The following FAM117A variants were observed in gnomAD, a reference collection of about 807,000 sequenced individuals.
FAM117A encodes protein FAM117A.
A neutral mutation model predicts 44.1 loss-of-function variants in FAM117A; 21 were observed. The observed-to-expected ratio is 0.48, with a 90% CI of 0.34 to 0.69. The LOEUF (loss-of-function observed/expected upper bound fraction) is 0.69. Among genes scored for constraint, FAM117A ranks in the 30% least tolerant of loss-of-function variants. FAM117A has a pLI of 0.01. For missense variants in FAM117A, 498 were observed against 589.9 expected, an observed-to-expected ratio of 0.84 and a Z score of 1.61; for synonymous variants, 220 against 238.3, an observed-to-expected ratio of 0.92 and a Z score of 0.71.
intron 4 of FAM117A, 153 bp downstream of exon 4, chr17:49,720,173 A>G (rs1315831026): frequency 1.1e-4 from 76 of 690,348 alleles, no homozygotes; most frequent in Non-Finnish European, 1.7e-4. Flanking sequence ...CCCTTCCAAT[A>G]TCACACAGCA....
Position 49,732,652 on chromosome 17 carries a change from T to C in FAM117A, c.265A>G (p.Thr89Ala). ...CTGAGGATGGTGTCCAGGGAGAATG[T>C]ACGCCGGACCTGAAGTGGCTGAGGC... ...CRPQPLQVRR[T>A]FSLDTILSSY... The change falls in exon 2 of 8, where the codon ACA becomes GCA. Residue 89 changes from threonine (T) to alanine (A), a missense_variant. Transcript: ENST00000240364. 6.2e-7 allele frequency: 1 copy of C among 1,614,160 alleles called. No homozygotes were observed. The highest frequency in any genetic ancestry group is 8.5e-7 in the Non-Finnish European group (1 of 1,180,012).
intron 2 of FAM117A, among the ~76,000 whole-genome samples, chr17:49,729,804 A>G (rs746376931): frequency 1.1e-4 from 17 of 152,032 alleles, no homozygotes; most frequent in Non-Finnish European, 2.4e-4. Flanking sequence ...ATGCCTGGCC[A>G]TATTAGTCCA....
Position 49,711,321 on chromosome 17 carries a change from G to A in FAM117A, c.1296C>T (p.Phe432=), listed in dbSNP as rs771259538. ...ATGGTGGGGTGCGCTGCCATGGCTC[G>A]AATGGCAGTGGGGAGGCCTTGGAGG... ...PEASKASPLP[F]EPWQRTPPSE... is the part of the protein sequence containing the mutation. Residue 432 remains phenylalanine, a synonymous_variant, in exon 8 of 8, where the codon TTC becomes TTT. Transcript: ENST00000240364. 15 of 1,609,438 alleles carry A rather than the reference G, an allele frequency of 9.3e-6. No individual in the cohort carries two copies. The highest frequency in any genetic ancestry group is 3.3e-4 in the Middle Eastern group (2 of 5,972).
exon 1 of FAM117A, chr17:49,788,585 A>C (rs2073836719): frequency 4.8e-6 from 2 of 413,438 alleles, no homozygotes; most frequent in African/African-American, 4.1e-5. Flanking sequence ...CACCAAAAGG[A>C]TCGAACTTCC....
chr17:49,762,748 A>G (rs1389325490), intron 1 of FAM117A, among the ~76,000 whole-genome samples: 4 of 152,210 alleles, frequency 2.6e-5, no homozygotes, highest in Non-Finnish European at 5.9e-5. Context: ...GGAAGTGTGC[A>G]ATGATCTTTT....
upstream of FAM117A, chr17:49,765,545 T>C (rs1381167965): frequency 1.3e-5 from 2 of 152,224 alleles, no homozygotes; most frequent in Non-Finnish European, 2.9e-5. Context: ...TTAGCCTACA[T>C]ACACTGAATG....
chr17:49,725,500 T>C (rs2073555681), intron 2 of FAM117A, among the ~76,000 whole-genome samples: 3 of 152,086 alleles, frequency 2.0e-5, no homozygotes, highest in African/African-American at 4.8e-5. Flanking sequence ...GGGGATACAA[T>C]TGGAAATGTC....
At chr17:49,743,637 G>A (rs1013008583) in intron 1 of FAM117A, among the ~76,000 whole-genome samples, 10 of 151,956 alleles carry the variant, frequency 6.6e-5, no homozygotes, top group Admixed American at 5.9e-4. Flanking sequence ...GCTGAGGCAG[G>A]AGAATGGCAT....
chr17:49,717,389 C>T (rs1464826742), intron 6 of FAM117A, 124 bp downstream of exon 6: 4 of 721,644 alleles, frequency 5.5e-6, no homozygotes, highest in Admixed American at 5.5e-5. Context: ...AGAAAGATGA[C>T]TCATAAAGAT....
intron 1 of FAM117A, among the ~76,000 whole-genome samples, chr17:49,740,287 C>G (rs757635117): frequency 4.6e-5 from 7 of 151,676 alleles, no homozygotes; most frequent in East Asian, 3.9e-4. Flanking sequence ...TCACTCTGTC[C>G]CTCAGGCTGG....
At chr17:49,742,944 C>G (rs2073640558) in intron 1 of FAM117A, among the ~76,000 whole-genome samples, 1 of 152,204 alleles carries the variant, frequency 6.6e-6, no homozygotes, top group African/African-American at 2.4e-5. Flanking sequence ...TGTGCACCCC[C>G]ACAAGCTCAT....
intron 1 of FAM117A, among the ~76,000 whole-genome samples, chr17:49,757,128 G>A (rs187099591): frequency 1.3e-5 from 2 of 151,884 alleles, no homozygotes. Flanking sequence ...CTTTTATTGG[G>A]GAGCTGGGAG....
intron 2 of FAM117A, among the ~76,000 whole-genome samples, chr17:49,728,732 T>A (rs2073571531): frequency 6.6e-6 from 1 of 152,226 alleles, no homozygotes; most frequent in Non-Finnish European, 1.5e-5. Context: ...TCACCCACCC[T>A]GGCCTGGGCC....
chr17:49,722,858 G>A (rs2143710774), intron 2 of FAM117A, among the ~76,000 whole-genome samples: 1 of 152,162 alleles, frequency 6.6e-6, no homozygotes, highest in East Asian at 1.9e-4. Context: ...ATACATATAT[G>A]ATATCCCAGT....
chr17:49,732,787 C>CTAAG, intron 1 of FAM117A, 67 bp from the exon 2 acceptor site: 1 of 1,531,486 alleles, frequency 6.5e-7, no homozygotes. Flanking sequence ...CAATCACCTT[C>CTAAG]CTCTTCTAAG....
chr17:49,777,695 A>G (rs1281783610), intron 1 of FAM117A, among the ~76,000 whole-genome samples: 3 of 152,178 alleles, frequency 2.0e-5, no homozygotes, highest in African/African-American at 7.2e-5. Context: ...ATGGAAGGCT[A>G]AATGCCAGGG....
Position 49,719,743 on chromosome 17 carries a change from G to A in FAM117A, c.708+17C>T. On this transcript the variant is annotated intron_variant, in intron 5 of 7. Transcript: ENST00000240364. ...GGCACGGACTGTGGGTGCACTCAGG[G>A]TGCAGCCGCCACTCACCCTCAGCAG... 2 of 1,552,414 alleles carry A rather than the reference G, an allele frequency of 1.3e-6. No homozygotes were observed. The highest frequency in any genetic ancestry group is 1.7e-6 in the Non-Finnish European group (2 of 1,152,844).
At chr17:49,784,482 G>A (rs2073799461) in intron 1 of FAM117A, among the ~76,000 whole-genome samples, 1 of 152,162 alleles carries the variant, frequency 6.6e-6, no homozygotes, top group African/African-American at 2.4e-5. Context: ...AGTCTCCACA[G>A]AAGGGTGCTG....
intron 2 of FAM117A, among the ~76,000 whole-genome samples, chr17:49,725,998 A>C (rs2073557770): frequency 6.6e-6 from 1 of 151,700 alleles, no homozygotes; most frequent in Non-Finnish European, 1.5e-5. Flanking sequence ...GCAGGAACAG[A>C]CTCTCCCCAG....
Sources: gnomAD v4.1 joint callset for allele counts (sites outside exome capture counted in the v4.1 genomes callset) on GRCh38, gnomAD v4.1.1 for gene constraint, MANE v1.5 for transcripts, NCBI Gene and HGNC (gene_info 2026-07-23, HGNC 2026-07-21) for gene names.